The following TSHZ2 variants were observed in gnomAD, a reference collection of about 807,000 sequenced individuals.
TSHZ2 encodes the protein teashirt zinc finger homeobox 2.
In TSHZ2, 21 loss-of-function variants were observed where a neutral mutation model predicts 74.4. The observed-to-expected ratio is 0.28, with a 90% CI of 0.20 to 0.41. The LOEUF is 0.41. TSHZ2 is among the 10% of genes least tolerant of loss of function. The pLI, the probability that TSHZ2 is intolerant of heterozygous loss-of-function variation, is 1.00. For missense variants in TSHZ2, 1,244 were observed against 1,293.5 expected (o/e 0.96, Z 0.59); for synonymous variants, 540 against 515.3 (o/e 1.05, Z -0.65).
chr20:53,005,094 G>A (rs781633292), intron 1 of TSHZ2, among the ~76,000 whole-genome samples: 4 of 152,210 alleles, frequency 2.6e-5, no homozygotes, highest in Admixed American at 6.5e-5. Flanking sequence ...CAGAGGATCA[G>A]TGAGGTCAGG....
intron 1 of TSHZ2, among the ~76,000 whole-genome samples, chr20:53,016,396 C>G (rs969545963): frequency 6.6e-6 from 1 of 152,172 alleles, no homozygotes; most frequent in Non-Finnish European, 1.5e-5. Context: ...AGCAACAAAT[C>G]AGCCTTCAAT....
intron 2 of TSHZ2, among the ~76,000 whole-genome samples, chr20:53,423,808 G>A (rs1328294391): frequency 6.6e-6 from 1 of 152,216 alleles, no homozygotes; most frequent in Non-Finnish European, 1.5e-5. Context: ...ACACTGTCAA[G>A]TAATCAACTC....
chr20:53,258,987 A>G (rs16997823), intron 2 of TSHZ2, among the ~76,000 whole-genome samples: 1 of 152,172 alleles, frequency 6.6e-6, no homozygotes, highest in Non-Finnish European at 1.5e-5. Context: ...ATCTGCCTGA[A>G]TGTTTCCCCC....
At chr20:53,162,261 G>A (rs528894026) in intron 1 of TSHZ2, among the ~76,000 whole-genome samples, 6 of 152,240 alleles carry the variant, frequency 3.9e-5, no homozygotes, top group African/African-American at 1.2e-4. Context: ...AGAACTTCAC[G>A]GACACCCAGC....
chr20:53,482,919 A>G (rs1986194239), intron 2 of TSHZ2, among the ~76,000 whole-genome samples: 1 of 152,114 alleles, frequency 6.6e-6, no homozygotes, highest in South Asian at 2.1e-4. Context: ...AAAAACAGAA[A>G]AAGAAAAAGA....
intron 1 of TSHZ2, among the ~76,000 whole-genome samples, chr20:53,136,634 A>T (rs1987252563): frequency 6.6e-6 from 1 of 152,220 alleles, no homozygotes; most frequent in Non-Finnish European, 1.5e-5. Flanking sequence ...CAAACACTGG[A>T]ACTTCCCAGC....
At chr20:52,984,404 A>G (rs1981676500) in intron 1 of TSHZ2, among the ~76,000 whole-genome samples, 1 of 152,124 alleles carries the variant, frequency 6.6e-6, no homozygotes, top group African/African-American at 2.4e-5. Context: ...GACGATCAGG[A>G]AAGGTACCCG....
At chr20:53,206,632 T>C (rs1989176312) in intron 1 of TSHZ2, 1 of 152,216 alleles carries the variant, frequency 6.6e-6, no homozygotes, top group African/African-American at 2.4e-5. Context: ...TTGAAGAGTA[T>C]CAAGCACTCC....
intron 1 of TSHZ2, among the ~76,000 whole-genome samples, chr20:53,036,907 C>T (rs1252514671): frequency 6.6e-6 from 1 of 151,350 alleles, no homozygotes; most frequent in African/African-American, 2.4e-5. Flanking sequence ...TGTAATTTTG[C>T]TTTTTTACTT....
intron 1 of TSHZ2, among the ~76,000 whole-genome samples, chr20:53,116,010 C>G (rs112236847): frequency 6.6e-6 from 1 of 152,138 alleles, no homozygotes; most frequent in Non-Finnish European, 1.5e-5. Context: ...ACCAAGCTAT[C>G]GTGAGACAGG....
chr20:53,379,596 G>A (rs1981786255), intron 2 of TSHZ2, among the ~76,000 whole-genome samples: 1 of 152,042 alleles, frequency 6.6e-6, no homozygotes, highest in African/African-American at 2.4e-5. Flanking sequence ...AATTAGAAGT[G>A]GACAGTCTCT....
At chr20:53,134,876 A>G (rs1281749595) in intron 1 of TSHZ2, among the ~76,000 whole-genome samples, 1 of 151,908 alleles carries the variant, frequency 6.6e-6, no homozygotes, top group Non-Finnish European at 1.5e-5. Context: ...CAACAACTTG[A>G]AGAGGACGTT....
chr20:53,053,599 A>ATATT (rs1491405246), intron 1 of TSHZ2, among the ~76,000 whole-genome samples: 1 of 131,942 alleles, frequency 7.6e-6, no homozygotes, highest in Non-Finnish European at 1.6e-5. Flanking sequence ...ATATATATAT[A>ATATT]TTTTTCTCGA....
At chr20:52,998,164 C>T (rs969826838) in intron 1 of TSHZ2, among the ~76,000 whole-genome samples, 1 of 152,088 alleles carries the variant, frequency 6.6e-6, no homozygotes, top group African/African-American at 2.4e-5. Context: ...CCATGCCCAG[C>T]TGTGCCTTCT....
intron 1 of TSHZ2, among the ~76,000 whole-genome samples, chr20:52,979,518 T>C (rs1342844169): frequency 6.6e-6 from 1 of 152,222 alleles, no homozygotes; most frequent in African/African-American, 2.4e-5. Context: ...AGACATTATA[T>C]ACATACACAG....
chr20:53,414,892 T>C (rs879817697), intron 2 of TSHZ2, among the ~76,000 whole-genome samples: 1 of 152,178 alleles, frequency 6.6e-6, no homozygotes, highest in Admixed American at 6.5e-5. Context: ...AGATAAGCCA[T>C]GTCACTGTCT....
At chr20:53,046,383 A>G (rs1235213830) in intron 1 of TSHZ2, among the ~76,000 whole-genome samples, 1 of 152,162 alleles carries the variant, frequency 6.6e-6, no homozygotes, top group Non-Finnish European at 1.5e-5. Flanking sequence ...GGTGGCTAGC[A>G]AAAGGACCCC....
chr20:53,443,843 C>T (rs1287386976), intron 2 of TSHZ2, among the ~76,000 whole-genome samples: 2 of 152,252 alleles, frequency 1.3e-5, no homozygotes, highest in African/African-American at 2.4e-5. Flanking sequence ...ACCCATGAAG[C>T]TGGAGACCCA....
chr20:52,998,482 T>C (rs1254631807), intron 1 of TSHZ2, among the ~76,000 whole-genome samples: 1 of 152,190 alleles, frequency 6.6e-6, no homozygotes, highest in East Asian at 1.9e-4. Context: ...CTCTGCCCTC[T>C]TCTTGGTCTA....
Sources: allele counts gnomAD v4.1 joint callset (sites outside exome capture counted in the v4.1 genomes callset), GRCh38; gene constraint gnomAD v4.1.1; transcripts MANE v1.5; gene names NCBI Gene and HGNC (gene_info 2026-07-23, HGNC 2026-07-21).